ADSS2: variants seen among roughly 807,000 people sequenced by gnomAD.
ADSS2 encodes adenylosuccinate synthase 2, also known as adenylosuccinate synthetase isozyme 2.
In ADSS2, 30 loss-of-function variants were observed where a neutral mutation model predicts 60.0. The observed-to-expected ratio is 0.50, with a 90% CI of 0.37 to 0.68. The LOEUF is 0.68. ADSS2 is among the 30% of genes least tolerant of loss of function. ADSS2 has a pLI of 0.00. For synonymous variants in ADSS2, 187 were observed against 193.1 expected (o/e 0.97, Z 0.26); for missense variants, 373 against 554.8 (o/e 0.67, Z 3.29).
intron 3 of ADSS2, among the ~76,000 whole-genome samples, chr1:244,435,493 C>T (rs1229634614): frequency 6.6e-6 from 1 of 152,032 alleles, no homozygotes; most frequent in African/African-American, 2.4e-5. Context: ...TAATTTTGTG[C>T]ATGAAACGAA....
intron 1 of ADSS2, among the ~76,000 whole-genome samples, chr1:244,444,514 C>CAAAAAAAAAAAAAAAAAAAAAAAAAAAAA (rs56001597): frequency 7.1e-5 from 3 of 42,548 alleles, no homozygotes; most frequent in Admixed American, 2.9e-4. Flanking sequence ...GACTCCATCT[C>CAAAAAAAAAAAAAAAAAAAAAAAAAAAAA]AAAAAAAAAA....
chr1:244,442,491 T>C (rs1411078793), intron 1 of ADSS2, among the ~76,000 whole-genome samples: 1 of 152,208 alleles, frequency 6.6e-6, no homozygotes, highest in Non-Finnish European at 1.5e-5. Context: ...GGTTTAAATA[T>C]CATTTAAGTT....
At chr1:244,431,183 G>A (rs1261125052) in intron 4 of ADSS2, among the ~76,000 whole-genome samples, 1 of 151,972 alleles carries the variant, frequency 6.6e-6, no homozygotes, top group Non-Finnish European at 1.5e-5. Context: ...TGATATATAA[G>A]TTTAAAATTC....
intron 1 of ADSS2, among the ~76,000 whole-genome samples, chr1:244,438,955 C>T (rs1458470205): frequency 2.0e-5 from 3 of 152,028 alleles, no homozygotes; most frequent in South Asian, 2.1e-4. Context: ...ACTGTAGTCC[C>T]CTGTTGTGCT....
rs374266223 is a variant in ADSS2, at chr1:244,447,671, C to A, written c.183+3964G>T. On this transcript the variant is annotated intron_variant, in intron 1 of 12. Transcript: ENST00000366535. ...GATAAGATTTTAATATAAACAAAGACTTTGAATGGTACAATGTAAAAAATT... is the reference window on the plus strand; with the variant it reads ...GATAAGATTTTAATATAAACAAAGAATTTGAATGGTACAATGTAAAAAATT... Among the ~76,000 whole-genome samples, 32 of 152,168 alleles carry A rather than the reference C, an allele frequency of 2.1e-4. 1 individual carries two copies. Among genetic ancestry groups the A allele is most frequent in the African/African-American group, 7.5e-4 (31 of 41,522 alleles).
At chr1:244,418,567 T>C (rs186644836) in intron 9 of ADSS2, among the ~76,000 whole-genome samples, 193 bp downstream of exon 9, 75 of 152,300 alleles carry the variant, frequency 4.9e-4, no homozygotes, top group African/African-American at 1.7e-3. Flanking sequence ...GTGATCTGCC[T>C]GCCTCTGCCT....
intron 4 of ADSS2, among the ~76,000 whole-genome samples, chr1:244,429,888 AT>A (rs1305196368): frequency 1.3e-5 from 2 of 152,182 alleles, no homozygotes; most frequent in African/African-American, 2.4e-5. Flanking sequence ...TCTCAAAAAA[AT>A]AATAAAATAA....
At chr1:244,442,556 C>A (rs7545183) in intron 1 of ADSS2, among the ~76,000 whole-genome samples, 9,602 of 152,050 alleles carry the variant, frequency 0.063, 736 homozygotes, top group East Asian at 0.42. Flanking sequence ...GATTATCCTA[C>A]GTGGGATTTA....
chr1:244,451,512 C>T lies in ADSS2; in HGVS notation c.183+123G>A. The T allele has an allele frequency of 9.1e-7, 1 of 1,095,792 alleles. No individual in the cohort carries two copies. Among genetic ancestry groups the T allele is most frequent in the Non-Finnish European group, 1.3e-6 (1 of 782,674 alleles). 67.9% of individuals were successfully genotyped at this position (1,095,792 alleles called of 1,614,324 possible). A position where few individuals can be genotyped will look rare whatever the true frequency, so the allele number is the denominator to read the frequency against. On this transcript the variant is annotated intron_variant, in intron 1 of 12. Transcript: ENST00000366535. This position sits in a 1 kb window ranked among gnomAD's most constrained non-coding sequence, Gnocchi z 6.6. Reference sequence around the variant, plus strand: ...CGCAGCTCAGGACAGGAGGAGAGAGCCTCAAGGTGACACCTCATTTTGGCC... The same window carrying T: ...CGCAGCTCAGGACAGGAGGAGAGAGTCTCAAGGTGACACCTCATTTTGGCC...
At position 244,440,484 on chromosome 1, in the gene ADSS2, A is replaced by C. The variant is rs914364794; in HGVS notation, c.184-2716T>G. Among the ~76,000 whole-genome samples the C allele has an allele frequency of 5.9e-5, 9 of 152,228 alleles. No homozygotes were observed. The East Asian group carries it at 1.7e-3, about 29-fold the overall frequency. On this transcript the variant is annotated intron_variant, in intron 1 of 12. Coordinates refer to ENST00000366535, the MANE Select transcript of ADSS2 (RefSeq NM_001126.5). ...TAAAATCTGTAAGACACACTTTGGA[A>C]AGGCACAGGCAGACGGAAACAGGGA...
chr1:244,433,859 T>TA (rs35132231), intron 3 of ADSS2, among the ~76,000 whole-genome samples: 9,739 of 94,742 alleles, frequency 0.1, 674 homozygotes, highest in East Asian at 0.4. Flanking sequence ...ACTCCATCTT[T>TA]AAAAAAAAAA....
At chr1:244,412,850 G>A (rs536669640) in intron 11 of ADSS2, among the ~76,000 whole-genome samples, 13 of 152,220 alleles carry the variant, frequency 8.5e-5, no homozygotes, top group Admixed American at 7.2e-4. Flanking sequence ...GTCTGCAAAA[G>A]GTCCCATTAC....
rs571926751 is a variant in ADSS2, at chr1:244,422,683, C to T, written c.663+152G>A. 71 of 587,796 alleles carry T rather than the reference C, an allele frequency of 1.2e-4. No homozygotes were observed. In the South Asian group the frequency reaches 1.6e-3, roughly 13 times the overall value. 36.4% of individuals were successfully genotyped at this position (587,796 alleles called of 1,614,324 possible). On this transcript the variant is annotated intron_variant, in intron 7 of 12. Coordinates refer to ENST00000366535, the MANE Select transcript of ADSS2 (RefSeq NM_001126.5). ...TCCCTACTCAATATTTTGTCTAAGC[C>T]ATATCATGTAAAGTCACTCAAACAT...
Position 244,436,895 on chromosome 1 carries a change from T to G in ADSS2, c.287-2A>C, listed in dbSNP as rs1558278010. The G allele has an allele frequency of 6.2e-7, 1 of 1,610,952 alleles. No homozygotes were observed. The highest frequency in any genetic ancestry group is 1.7e-5 in the Admixed American group (1 of 59,558). Reference sequence around the variant, plus strand: ...GTAGATGAATTACCACACCATTTCCTAAAGGAAAACCAACAAATCCCAACG... The same window carrying G: ...GTAGATGAATTACCACACCATTTCCGAAAGGAAAACCAACAAATCCCAACG... On this transcript the variant is annotated splice_acceptor_variant, in intron 2 of 12. Transcript: ENST00000366535. LOFTEE classifies it high-confidence loss of function.
In ADSS2 at chr1:244,423,985, G is replaced by T. The variant is rs766235390; in HGVS notation, c.549C>A (p.Asp183Glu). The change falls in exon 6 of 13, where the codon GAC (aspartate) becomes GAA (glutamate). Residue 183 changes from aspartate to glutamate, a missense_variant. Asp to Glu is a conservative substitution (Grantham distance 45, BLOSUM62 2). This residue lies in a region of ADSS2 where 139 missense variants were observed against 189.4 expected (regional missense o/e 0.73). Coordinates refer to ENST00000366535, the MANE Select transcript of ADSS2 (RefSeq NM_001126.5). ...KAARSGLRMC[D>E]LVSDFDGFSE... ...AGAAGCCATCAAAGTCAGAAACAAG[G>T]TCGCACATCCTGAGTCCACTCCGAG... 6.2e-7 allele frequency: 1 copy of T among 1,613,126 alleles called. No homozygotes were observed. Among genetic ancestry groups the T allele is most frequent in the East Asian group, 2.2e-5 (1 of 44,856 alleles).
chr1:244,429,843 T>C (rs932697598), intron 4 of ADSS2, among the ~76,000 whole-genome samples: 3 of 151,948 alleles, frequency 2.0e-5, no homozygotes, highest in African/African-American at 7.3e-5. Context: ...GATCATGCCA[T>C]TGCACTCCCG....
At position 244,423,969 on chromosome 1, in the gene ADSS2, C is replaced by T. The variant is rs764982618; in HGVS notation, c.565G>A (p.Asp189Asn). Residue 189 changes from aspartate (D) to asparagine (N), a missense_variant, in exon 6 of 13, where the codon GAT (aspartate) becomes AAT (asparagine). Asp to Asn is a conservative substitution (Grantham distance 23, BLOSUM62 1). Around this residue, in one of 5 missense-constraint regions of ADSS2, gnomAD observed 139 missense variants for 189.4 expected, o/e 0.73. Transcript: ENST00000366535. ...GTTAGTTACCTCTCAGAGAAGCCAT[C>T]AAAGTCAGAAACAAGGTCGCACATC... ...LRMCDLVSDF[D>N]GFSERFKVLA... 1 of 1,611,790 alleles carries T rather than the reference C, an allele frequency of 6.2e-7. No homozygotes were observed. Among genetic ancestry groups the T allele is most frequent in the Non-Finnish European group, 8.5e-7 (1 of 1,179,222 alleles).
At position 244,409,562 on chromosome 1, in the gene ADSS2, T is replaced by A. The variant is rs1361862529; in HGVS notation, c.*24A>T. On this transcript the variant is annotated 3_prime_UTR_variant, in exon 13 of 13. Coordinates refer to ENST00000366535, the MANE Select transcript of ADSS2 (RefSeq NM_001126.5). ...GTCTTTTCCCCTCCCTCTCAAGGAG[T>A]GTTTCTTGCATTACTGGCAATCATT... 1 of 1,574,412 alleles carries A rather than the reference T, an allele frequency of 6.4e-7. No individual in the cohort carries two copies. Among genetic ancestry groups the A allele is most frequent in the Non-Finnish European group, 8.7e-7 (1 of 1,146,032 alleles).
In ADSS2 at chr1:244,409,307, G is replaced by A. The variant is rs536837642; in HGVS notation, c.*279C>T. On this transcript the variant is annotated 3_prime_UTR_variant, in exon 13 of 13. Coordinates refer to ENST00000366535, the MANE Select transcript of ADSS2 (RefSeq NM_001126.5). ...TTCTACTTTTGATATCAAACAACAT[G>A]GATTATACTATTACTAAACATTGAA... is the stretch of plus-strand genomic sequence containing the variant. 3.3e-6 allele frequency: 1 copy of A among 304,994 alleles called. No homozygotes were observed. The highest frequency in any genetic ancestry group is 5.3e-5 in the Admixed American group (1 of 18,936). The allele number at this position is 304,994 out of a possible 1,614,324, so 18.9% of individuals were successfully genotyped here.
Sources: gnomAD v4.1 joint callset for allele counts (sites outside exome capture counted in the v4.1 genomes callset) on GRCh38, gnomAD v4.1.1 for gene constraint, gnomAD v4.1.1 regional missense constraint, Gnocchi (gnomAD v3.1) non-coding constraint, MANE v1.5 for transcripts, NCBI Gene and HGNC (gene_info 2026-07-23, HGNC 2026-07-21) for gene names.